The following E2F1 variants were observed in gnomAD, a reference collection of about 807,000 sequenced individuals.
The protein encoded by E2F1 is E2F transcription factor 1.
In E2F1, 7 loss-of-function variants were observed where a neutral mutation model predicts 36.9. That is an observed-to-expected ratio of 0.19 (90% CI 0.11 to 0.36). E2F1 has a LOEUF of 0.36. Ranked by LOEUF, E2F1 falls within the 10% of genes least tolerant of loss-of-function variation. The pLI, the probability that E2F1 is intolerant of heterozygous loss-of-function variation, is 1.00. For missense variants in E2F1, 406 were observed against 573.6 expected, an observed-to-expected ratio of 0.71 and a Z score of 2.99; for synonymous variants, 261 against 263.1, an observed-to-expected ratio of 0.99 and a Z score of 0.08.
chr20:33,678,434 T>C (rs759867035), intron 3 of E2F1, 81 bp from the exon 4 acceptor site: 217 of 1,538,126 alleles, frequency 1.4e-4, no homozygotes, highest in Non-Finnish European at 1.8e-4. Context: ...GGACAGAGTC[T>C]GCTGTTGCCT....
chr20:33,683,450 C>CAAAA (rs60838396), intron 1 of E2F1, among the ~76,000 whole-genome samples: 57 of 54,754 alleles, frequency 1.0e-3, no homozygotes, highest in Admixed American at 2.9e-3. Flanking sequence ...GACTTCATCT[C>CAAAA]AAAAAAAAAA....
intron 2 of E2F1, 118 bp downstream of exon 2, chr20:33,680,208 C>G: frequency 8.3e-7 from 1 of 1,201,458 alleles, no homozygotes; most frequent in Non-Finnish European, 1.2e-6. Context: ...TCAGGGTCCT[C>G]AGAGGCCTGG....
At chr20:33,683,391 C>T (rs992151095) in intron 1 of E2F1, among the ~76,000 whole-genome samples, 4 of 132,918 alleles carry the variant, frequency 3.0e-5, no homozygotes, top group African/African-American at 5.9e-5. Flanking sequence ...GTAGAGGTTG[C>T]GGTGAGCCGA....
At position 33,675,564 on chromosome 20, in the gene E2F1, A is replaced by G; in HGVS notation, c.*1168T>C. The G allele has an allele frequency of 6.4e-6, 1 of 155,616 alleles. No individual in the cohort carries two copies. Among genetic ancestry groups the G allele is most frequent in the East Asian group, 1.8e-4 (1 of 5,480 alleles). The allele number at this position is 155,616 out of a possible 1,614,324, so 9.6% of individuals were successfully genotyped here. A position where few individuals can be genotyped will look rare whatever the true frequency, so the allele number is the denominator to read the frequency against. On this transcript the variant is annotated 3_prime_UTR_variant, in exon 7 of 7. Coordinates refer to ENST00000343380, the MANE Select transcript of E2F1 (RefSeq NM_005225.3). ...GAAGCTGACCTTTCTTCGAGTTATG[A>G]GGCTCAAATCAAATCGGGCACGGAC...
chr20:33,682,433 G>A (rs1174766399), intron 1 of E2F1, among the ~76,000 whole-genome samples: 5 of 152,156 alleles, frequency 3.3e-5, no homozygotes, highest in African/African-American at 1.2e-4. Flanking sequence ...TTGCACCCTA[G>A]TTGGCTGGTA....
rs928131541 is a variant in E2F1 at position 33,676,217 on chromosome 20, G to A, written c.*515C>T. On this transcript the variant is annotated 3_prime_UTR_variant, in exon 7 of 7. Coordinates refer to ENST00000343380, the MANE Select transcript of E2F1 (RefSeq NM_005225.3). ...ATCAGAAAAAACCTTTAAGACAGAA[G>A]TGCTCTCACCGTCCTACACGCCCAG... 4 of 154,272 alleles carry A rather than the reference G, an allele frequency of 2.6e-5. No individual in the cohort carries two copies. The highest frequency in any genetic ancestry group is 4.3e-5 in the Non-Finnish European group (3 of 69,260). 9.6% of individuals were successfully genotyped at this position (154,272 alleles called of 1,614,324 possible). A position where few individuals can be genotyped will look rare whatever the true frequency, so the allele number is the denominator to read the frequency against.
chr20:33,678,091 G>A, intron 4 of E2F1, 110 bp downstream of exon 4: 1 of 1,352,326 alleles, frequency 7.4e-7, no homozygotes, highest in Non-Finnish European at 1.0e-6. Context: ...GCCAGGACTT[G>A]CAACCAAAAT....
chr20:33,686,171 G>C lies in E2F1; in HGVS notation c.94C>G (p.Gln32Glu), dbSNP rs2018067572. ...TGCGCGGCGGAGATGATGACGATCT[G>C]CGAGGAGTCGAGCAGCCGCAGCGCG... is the stretch of plus-strand genomic sequence containing the variant. ...AGALRLLDSS[Q>E]IVIISAAQDA... The change falls in exon 1 of 7, where the codon CAG (glutamine) becomes GAG (glutamate). Residue 32 changes from glutamine to glutamate, a missense_variant. Physicochemically the swap from Gln to Glu is conservative, Grantham distance 29. Transcript: ENST00000343380. 9.5e-7 allele frequency: 1 copy of C among 1,055,772 alleles called. No homozygotes were observed. Among genetic ancestry groups the C allele is most frequent in the South Asian group, 3.9e-5 (1 of 25,498 alleles). 65.4% of individuals were successfully genotyped at this position (1,055,772 alleles called of 1,614,324 possible).
intron 1 of E2F1, among the ~76,000 whole-genome samples, chr20:33,683,721 G>A (rs1044814845): frequency 2.6e-5 from 4 of 151,758 alleles, no homozygotes; most frequent in Non-Finnish European, 5.9e-5. Flanking sequence ...GCAGTGAGCC[G>A]CAATCACGCC....
chr20:33,678,494 C>A, intron 3 of E2F1, 141 bp from the exon 4 acceptor site: 1 of 1,042,868 alleles, frequency 9.6e-7, no homozygotes, highest in East Asian at 2.6e-5. Flanking sequence ...GGTCTGGCTC[C>A]TCAGCTGGGC....
Position 33,677,477 on chromosome 20 carries a change from C to T in E2F1, c.789G>A (p.Met263Ile). The T allele has an allele frequency of 6.2e-7, 1 of 1,614,128 alleles. No individual in the cohort carries two copies. Among genetic ancestry groups the T allele is most frequent in the Non-Finnish European group, 8.5e-7 (1 of 1,180,014 alleles). The change falls in exon 5 of 7, where the codon ATG becomes ATA. Residue 263 changes from methionine to isoleucine, a missense_variant. By Grantham distance (10) the Met-to-Ile change is conservative. Coordinates refer to ENST00000343380, the MANE Select transcript of E2F1 (RefSeq NM_005225.3). ...SIADPAEQMV[M>I]VIKAPPETQL... ...GGGTCTCAGGAGGGGCTTTGATCAC[C>T]ATAACCATCTGCTCTGCAGGGTCTG...
At chr20:33,685,665 G>C (rs1410923897) in intron 1 of E2F1, among the ~76,000 whole-genome samples, 1 of 152,236 alleles carries the variant, frequency 6.6e-6, no homozygotes, top group Non-Finnish European at 1.5e-5. Context: ...GCGGGGTTGT[G>C]AGTTTTAGCT....
In E2F1 at chr20:33,679,475, T is replaced by C. The variant is rs577026627; in HGVS notation, c.572+280A>G. 4.6e-5 allele frequency among the ~76,000 whole-genome samples: 7 copies of C among 152,136 alleles called. No individual in the cohort carries two copies. The highest frequency in any genetic ancestry group is 1.4e-4 in the African/African-American group (6 of 41,506). On this transcript the variant is annotated intron_variant, in intron 3 of 6. Coordinates refer to ENST00000343380, the MANE Select transcript of E2F1 (RefSeq NM_005225.3). This position sits in a 1 kb window ranked among gnomAD's most constrained non-coding sequence, Gnocchi z 4.6. ...AGGAGAAGCACCTGAACCTGGGAGGTAGAGGTTACAGTGAGCTGAGATTAC... is the reference window on the plus strand; with the variant it reads ...AGGAGAAGCACCTGAACCTGGGAGGCAGAGGTTACAGTGAGCTGAGATTAC...
At position 33,676,969 on chromosome 20, in the gene E2F1, C is replaced by T. The variant is rs1354866065; in HGVS notation, c.1077G>A (p.Leu359=). Residue 359 remains leucine, a synonymous_variant, in exon 7 of 7, where the codon TTG becomes TTA. Coordinates refer to ENST00000343380, the MANE Select transcript of E2F1 (RefSeq NM_005225.3). The part of the protein sequence containing the change: ...SLLSLEQEPL[L]SRMGSLRAPV... ...GAGCCCGCAGGCTGCCCATCCGGGA[C>T]AACAGCGGTTCTGGGGAGACGGGGA... The T allele has an allele frequency of 6.4e-7, 1 of 1,566,442 alleles. No homozygotes were observed. The highest frequency in any genetic ancestry group is 8.7e-7 in the Non-Finnish European group (1 of 1,153,236).
At chr20:33,677,589 C>A in intron 4 of E2F1, 49 bp from the exon 5 acceptor site, 1 of 1,432,150 alleles carries the variant, frequency 7.0e-7, no homozygotes, top group Non-Finnish European at 9.8e-7. Context: ...GGGGGTCACT[C>A]ACTCCAACAG....
chr20:33,675,844 AC>A lies in E2F1; in HGVS notation c.*887del. On this transcript the variant is annotated 3_prime_UTR_variant, in exon 7 of 7. Coordinates refer to ENST00000343380, the MANE Select transcript of E2F1 (RefSeq NM_005225.3). Reference sequence around the variant, plus strand: ...GTCTGGGCTGGGGGAGGCCTTCACCACCCCTCCTGCCCACATCAGTGAAGGT... The same window carrying A: ...GTCTGGGCTGGGGGAGGCCTTCACCACCCTCCTGCCCACATCAGTGAAGGT... The A allele has an allele frequency of 1.7e-5, 3 of 177,238 alleles. No homozygotes were observed. The highest frequency in any genetic ancestry group is 3.6e-5 in the Non-Finnish European group (3 of 84,216). 11.0% of individuals were successfully genotyped at this position (177,238 alleles called of 1,614,324 possible). A position where few individuals can be genotyped will look rare whatever the true frequency, so the allele number is the denominator to read the frequency against.
Position 33,676,926 on chromosome 20 carries a change from G to C in E2F1, c.1120C>G (p.Leu374Val). 1 of 1,565,198 alleles carries C rather than the reference G, an allele frequency of 6.4e-7. No individual in the cohort carries two copies. Among genetic ancestry groups the C allele is most frequent in the South Asian group, 1.2e-5 (1 of 86,006 alleles). Residue 374 changes from leucine (L) to valine (V), a missense_variant, in exon 7 of 7, where the codon CTG becomes GTG. Physicochemically the swap from Leu to Val is conservative, Grantham distance 32. Transcript: ENST00000343380. ...GAGTCGGCCGCCACCAGCGGGGACA[G>C]GCGGTCCTCGTCCACGGGAGCCCGC... ...SLRAPVDEDR[L>V]SPLVAADSLL...
chr20:33,683,782 A>C lies in E2F1; in HGVS notation c.261+2222T>G, dbSNP rs1172483318. On this transcript the variant is annotated intron_variant, in intron 1 of 6. Coordinates refer to ENST00000343380, the MANE Select transcript of E2F1 (RefSeq NM_005225.3). ...ATGAGACCCTGTCTCCAAAAAAAAA[A>C]TAAATAAATAAATAAAAAAGTTAAG... is the stretch of plus-strand genomic sequence containing the variant. Among the ~76,000 whole-genome samples, 5 of 152,250 alleles carry C rather than the reference A, an allele frequency of 3.3e-5. No individual in the cohort carries two copies. In the East Asian group the frequency reaches 9.6e-4, roughly 29 times the overall value.
At position 33,676,434 on chromosome 20, in the gene E2F1, A is replaced by G. The variant is rs2017957637; in HGVS notation, c.*298T>C. ...GTCTGCAGTGCACACACAGAGGTGT[A>G]TGTTCACCTTCATTCCCCGGTACAT... On this transcript the variant is annotated 3_prime_UTR_variant, in exon 7 of 7. Coordinates refer to ENST00000343380, the MANE Select transcript of E2F1 (RefSeq NM_005225.3). The G allele has an allele frequency of 2.9e-6, 1 of 342,798 alleles. No homozygotes were observed. Among genetic ancestry groups the G allele is most frequent in the Non-Finnish European group, 5.4e-6 (1 of 185,938 alleles). The allele number at this position is 342,798 out of a possible 1,614,324, so 21.2% of individuals were successfully genotyped here.
Sources: allele counts gnomAD v4.1 joint callset (sites outside exome capture counted in the v4.1 genomes callset), GRCh38; gene constraint gnomAD v4.1.1; non-coding constraint Gnocchi (gnomAD v3.1); transcripts MANE v1.5; gene names NCBI Gene and HGNC (gene_info 2026-07-23, HGNC 2026-07-21).